Variants in NEGR1 observed in about 807,000 individuals in gnomAD.
The protein encoded by NEGR1 is IgLON family member 4.
In NEGR1, 10 loss-of-function variants were observed where a neutral mutation model predicts 40.9. That is an observed-to-expected ratio of 0.24 (90% confidence interval 0.15 to 0.42). The LOEUF is 0.42. Ranked by LOEUF, NEGR1 falls within the 10% of genes least tolerant of loss-of-function variation. The probability of loss-of-function intolerance (pLI) is 1.00; values close to 1 mark genes in which losing one functional copy is unlikely to be tolerated. For synonymous variants in NEGR1, 185 were observed against 166.8 expected (o/e 1.11, Z -0.84); for missense variants, 352 against 438.9 (o/e 0.80, Z 1.77).
At chr1:71,933,229 T>C (rs1645871963) in intron 2 of NEGR1, among the ~76,000 whole-genome samples, 1 of 152,024 alleles carries the variant, frequency 6.6e-6, no homozygotes, top group East Asian at 1.9e-4. Flanking sequence ...GTGAACAATA[T>C]TAAACAACCT....
At chr1:72,197,249 T>A (rs1653033983) in intron 1 of NEGR1, among the ~76,000 whole-genome samples, 1 of 152,008 alleles carries the variant, frequency 6.6e-6, no homozygotes, top group South Asian at 2.1e-4. Flanking sequence ...TAGAAAATCA[T>A]ATTCTTTAGT....
intron 4 of NEGR1, among the ~76,000 whole-genome samples, chr1:71,626,018 T>G (rs558981148): frequency 5.9e-5 from 9 of 151,812 alleles, no homozygotes; most frequent in Non-Finnish European, 1.3e-4. Context: ...ATGTGAGGAA[T>G]GTAAGCTGCA....
intron 1 of NEGR1, among the ~76,000 whole-genome samples, chr1:72,250,232 T>C (rs569558060): frequency 7.9e-5 from 12 of 152,130 alleles, no homozygotes; most frequent in Admixed American, 4.6e-4. Flanking sequence ...GACAATTCCT[T>C]AAATTGTTCT....
chr1:71,527,645 C>T (rs1428603633), intron 6 of NEGR1, among the ~76,000 whole-genome samples: 20 of 151,402 alleles, frequency 1.3e-4, no homozygotes, highest in Admixed American at 7.9e-4. Context: ...TTATGTTCTA[C>T]TTCTGTGGAT....
intron 1 of NEGR1, among the ~76,000 whole-genome samples, chr1:72,132,655 T>C (rs1650301842): frequency 6.6e-6 from 1 of 152,192 alleles, no homozygotes; most frequent in Non-Finnish European, 1.5e-5. Flanking sequence ...AGAAGAGCAA[T>C]ACCTACTTCT....
intron 6 of NEGR1, among the ~76,000 whole-genome samples, chr1:71,456,914 C>A (rs538915416): frequency 6.6e-6 from 1 of 152,262 alleles, no homozygotes; most frequent in Non-Finnish European, 1.5e-5. Flanking sequence ...GGATGAAGAA[C>A]TAACTTGTCT....
intron 3 of NEGR1, among the ~76,000 whole-genome samples, chr1:71,704,597 A>G (rs1391310785): frequency 2.0e-5 from 3 of 151,754 alleles, no homozygotes; most frequent in Non-Finnish European, 2.9e-5. Context: ...TTTAGAAAAA[A>G]TAAATAATCT....
intron 1 of NEGR1, among the ~76,000 whole-genome samples, chr1:72,083,825 C>A (rs1648101696): frequency 6.6e-6 from 1 of 152,004 alleles, no homozygotes; most frequent in Non-Finnish European, 1.5e-5. Flanking sequence ...ACATGGATAG[C>A]CTCTCCACTA....
intron 4 of NEGR1, among the ~76,000 whole-genome samples, chr1:71,612,786 G>A (rs1043543342): frequency 1.3e-5 from 2 of 152,188 alleles, no homozygotes; most frequent in Non-Finnish European, 2.9e-5. Flanking sequence ...CTTGAAGGAA[G>A]AGGGAACAGC....
intron 1 of NEGR1, among the ~76,000 whole-genome samples, chr1:72,004,331 G>C (rs1030227890): frequency 3.9e-5 from 6 of 152,102 alleles, no homozygotes; most frequent in Admixed American, 3.3e-4. Context: ...TGTTTTGAGA[G>C]AGTTTCCCTG....
At chr1:71,581,470 C>T (rs553852972) in intron 6 of NEGR1, among the ~76,000 whole-genome samples, 1 of 152,208 alleles carries the variant, frequency 6.6e-6, no homozygotes, top group South Asian at 2.1e-4. Flanking sequence ...CTCATTACCA[C>T]AAAAATATCA....
chr1:71,591,788 A>G (rs1649507439), intron 6 of NEGR1, among the ~76,000 whole-genome samples: 1 of 152,124 alleles, frequency 6.6e-6, no homozygotes, highest in Non-Finnish European at 1.5e-5. Flanking sequence ...TTCTTAAATT[A>G]TGGTAATGTA....
intron 6 of NEGR1, among the ~76,000 whole-genome samples, chr1:71,437,116 A>G (rs1646514917): frequency 2.0e-5 from 3 of 152,238 alleles, no homozygotes; most frequent in African/African-American, 7.2e-5. Flanking sequence ...GAAAAAAAGA[A>G]TAATTTTTAA....
chr1:71,676,824 G>T (rs1652657180), intron 4 of NEGR1, among the ~76,000 whole-genome samples: 1 of 152,150 alleles, frequency 6.6e-6, no homozygotes, highest in Non-Finnish European at 1.5e-5. Flanking sequence ...CTGAGTGAAG[G>T]AGGACATTTT....
At chr1:71,930,916 G>C (rs1394095994) in intron 2 of NEGR1, among the ~76,000 whole-genome samples, 1 of 152,092 alleles carries the variant, frequency 6.6e-6, no homozygotes, top group East Asian at 1.9e-4. Flanking sequence ...AAAAGGAAAA[G>C]GTCTTTATAC....
chr1:72,219,625 T>C (rs1413716801), intron 1 of NEGR1, among the ~76,000 whole-genome samples: 4 of 152,086 alleles, frequency 2.6e-5, no homozygotes, highest in Non-Finnish European at 4.4e-5. Flanking sequence ...TTTGATTTAT[T>C]ACACAGCACT....
chr1:71,719,606 C>T (rs1230151520), intron 3 of NEGR1, among the ~76,000 whole-genome samples: 1 of 151,210 alleles, frequency 6.6e-6, no homozygotes, highest in African/African-American at 2.4e-5. Flanking sequence ...TCTGGACAGA[C>T]TAGACAGGAG....
intron 1 of NEGR1, among the ~76,000 whole-genome samples, chr1:72,275,312 T>C (rs1250277803): frequency 6.6e-6 from 1 of 152,112 alleles, no homozygotes; most frequent in Non-Finnish European, 1.5e-5. Context: ...AATTTGATAA[T>C]GATTATGACT....
intron 1 of NEGR1, among the ~76,000 whole-genome samples, chr1:72,221,011 A>G (rs907134046): frequency 1.3e-5 from 2 of 151,816 alleles, no homozygotes; most frequent in Non-Finnish European, 2.9e-5. Context: ...AACATGACAA[A>G]TTTATACTCT....
Sources: gnomAD v4.1 joint callset for allele counts (sites outside exome capture counted in the v4.1 genomes callset) on GRCh38, gnomAD v4.1.1 for gene constraint, MANE v1.5 for transcripts, NCBI Gene and HGNC (gene_info 2026-07-23, HGNC 2026-07-21) for gene names.